Variants in LMAN1 observed in about 807,000 individuals in gnomAD.
The protein encoded by LMAN1 is protein ERGIC-53.
A neutral mutation model predicts 67.8 loss-of-function variants in LMAN1; 32 were observed. The observed-to-expected ratio is 0.47, with a 90% confidence interval of 0.36 to 0.63. The LOEUF (loss-of-function observed/expected upper bound fraction) is 0.63. LMAN1 is among the 30% of genes least tolerant of loss of function. LMAN1 has a pLI of 0.00. For synonymous variants in LMAN1, 235 were observed against 219.3 expected (o/e 1.07, Z -0.63); for missense variants, 632 against 628.2 (o/e 1.01, Z -0.06).
At chr18:59,340,794 GA>G (rs1349253677) in intron 8 of LMAN1, among the ~76,000 whole-genome samples, 2 of 152,002 alleles carry the variant, frequency 1.3e-5, no homozygotes, top group Non-Finnish European at 1.5e-5. Context: ...GACAAAGATG[GA>G]AAAAAGAAAG....
chr18:59,335,486 A>G (rs1405855488), intron 10 of LMAN1, among the ~76,000 whole-genome samples: 1 of 152,102 alleles, frequency 6.6e-6, no homozygotes, highest in Non-Finnish European at 1.5e-5. Context: ...TATATGCAGA[A>G]GAAATACAGG....
At chr18:59,338,052 T>A (rs1191628070) in intron 10 of LMAN1, among the ~76,000 whole-genome samples, 1 of 152,218 alleles carries the variant, frequency 6.6e-6, no homozygotes, top group African/African-American at 2.4e-5. Context: ...AATTATCTCC[T>A]CTCTGCTCCA....
chr18:59,347,479 C>T, intron 7 of LMAN1, 34 bp downstream of exon 7: 1 of 1,517,998 alleles, frequency 6.6e-7, no homozygotes, highest in African/African-American at 1.4e-5. Context: ...GCAAACTAAA[C>T]TGATAAAGTT....
chr18:59,356,739 T>C (rs1321642916), intron 1 of LMAN1, among the ~76,000 whole-genome samples: 1 of 152,214 alleles, frequency 6.6e-6, no homozygotes, highest in Non-Finnish European at 1.5e-5. Context: ...TCAACTTCAC[T>C]GACACTTACT....
At position 59,353,240 on chromosome 18, in the gene LMAN1, C is replaced by T. The variant is rs775753163; in HGVS notation, c.601G>A (p.Val201Ile). 6.2e-7 allele frequency: 1 copy of T among 1,614,010 alleles called. No homozygotes were observed. Among genetic ancestry groups the T allele is most frequent in the South Asian group, 1.1e-5 (1 of 91,074 alleles). ...TGGTAATAGGTAATCTTTGCTCGGA[C>T]AGGATAGGGTTTGTTGCGGAAGTCC... Reference protein sequence around the residue: ...QRDFRNKPYPVRAKITYYQNT... With the variant: ...QRDFRNKPYPIRAKITYYQNT... The change falls in exon 5 of 13, where the codon GTC becomes ATC. Residue 201 changes from valine to isoleucine, a missense_variant. Val to Ile is a conservative substitution (Grantham distance 29, BLOSUM62 3). Coordinates refer to ENST00000251047, the MANE Select transcript of LMAN1 (RefSeq NM_005570.4).
At chr18:59,344,652 C>G (rs186884034) in intron 8 of LMAN1, among the ~76,000 whole-genome samples, 1 of 152,126 alleles carries the variant, frequency 6.6e-6, no homozygotes, top group East Asian at 1.9e-4. Context: ...CTGGAGACTA[C>G]AAAAGGTGGG....
intron 8 of LMAN1, among the ~76,000 whole-genome samples, chr18:59,342,326 G>A (rs530119467): frequency 3.3e-5 from 5 of 151,962 alleles, no homozygotes; most frequent in East Asian, 3.9e-4. Context: ...CTATGAGGGC[G>A]GTATCACCCT....
At chr18:59,343,112 A>G (rs1232204673) in intron 8 of LMAN1, among the ~76,000 whole-genome samples, 1 of 151,812 alleles carries the variant, frequency 6.6e-6, no homozygotes, top group African/African-American at 2.4e-5. Context: ...AGCTCTCCAT[A>G]AGGAGAACTT....
In LMAN1 at chr18:59,331,412, A is replaced by C; in HGVS notation, c.1496+6T>G. 6.2e-7 allele frequency: 1 copy of C among 1,604,736 alleles called. No homozygotes were observed. Among genetic ancestry groups the C allele is most frequent in the East Asian group, 2.2e-5 (1 of 44,758 alleles). ...ATATTGGGTCACATTTTATCAAGAG[A>C]CTTACCTATACATGATATAACCAAT... On this transcript the variant is annotated splice_donor_region_variant and intron_variant, in intron 12 of 12. Transcript: ENST00000251047.
intron 6 of LMAN1, among the ~76,000 whole-genome samples, chr18:59,348,368 C>T (rs1908467806): frequency 6.6e-6 from 1 of 152,222 alleles, no homozygotes; most frequent in Non-Finnish European, 1.5e-5. Context: ...TAACAGGGCA[C>T]TGAACCTGGA....
At chr18:59,347,430 C>T in intron 7 of LMAN1, 83 bp downstream of exon 7, 1 of 875,692 alleles carries the variant, frequency 1.1e-6, no homozygotes, top group East Asian at 3.3e-5. Flanking sequence ...GAAACAAGAT[C>T]CAAACCTAAG....
At chr18:59,356,200 T>C (rs1010915805) in intron 1 of LMAN1, among the ~76,000 whole-genome samples, 2 of 152,166 alleles carry the variant, frequency 1.3e-5, no homozygotes, top group Non-Finnish European at 2.9e-5. Context: ...ATATGCAAAA[T>C]ACTGTACTTA....
At chr18:59,333,061 A>G (rs745427142) in intron 11 of LMAN1, 30 bp downstream of exon 11, 3 of 1,568,574 alleles carry the variant, frequency 1.9e-6, no homozygotes, top group Non-Finnish European at 2.6e-6. Context: ...TAAAGATTAT[A>G]ATTATAAAAG....
intron 4 of LMAN1, among the ~76,000 whole-genome samples, chr18:59,354,088 T>C (rs1908605252): frequency 6.6e-6 from 1 of 152,200 alleles, no homozygotes; most frequent in African/African-American, 2.4e-5. Context: ...TTAGAATCTC[T>C]GCAAACCACT....
At chr18:59,332,571 T>C (rs1327166813) in intron 11 of LMAN1, among the ~76,000 whole-genome samples, 5 of 152,150 alleles carry the variant, frequency 3.3e-5, no homozygotes, top group African/African-American at 4.8e-5. Flanking sequence ...TAAAACGCGA[T>C]ATAAAATATA....
At chr18:59,340,920 C>T (rs1433927524) in intron 8 of LMAN1, among the ~76,000 whole-genome samples, 1 of 152,104 alleles carries the variant, frequency 6.6e-6, no homozygotes, top group Non-Finnish European at 1.5e-5. Flanking sequence ...CTAAAAGATA[C>T]AGACTGGCAG....
chr18:59,358,226 A>C (rs1323423549), intron 1 of LMAN1, among the ~76,000 whole-genome samples: 1 of 152,258 alleles, frequency 6.6e-6, no homozygotes, highest in African/African-American at 2.4e-5. Context: ...TGCCAAACAC[A>C]GAGAGTGAAT....
In LMAN1 at chr18:59,331,046, G is replaced by T; in HGVS notation, c.*47C>A. 3.0e-6 allele frequency: 4 copies of T among 1,337,062 alleles called. No homozygotes were observed. Among genetic ancestry groups the T allele is most frequent in the South Asian group, 1.2e-5 (1 of 80,338 alleles). The allele number at this position is 1,337,062 out of a possible 1,614,324, so 82.8% of individuals were successfully genotyped here. A position where few individuals can be genotyped will look rare whatever the true frequency, so the allele number is the denominator to read the frequency against. On this transcript the variant is annotated 3_prime_UTR_variant, in exon 13 of 13. Coordinates refer to ENST00000251047, the MANE Select transcript of LMAN1 (RefSeq NM_005570.4). ...TTAAATACTTAAATTCCCTCAAAAC[G>T]ACATCATTTTGTACACAAATAGATG...
At chr18:59,349,042 T>C in intron 6 of LMAN1, 71 bp downstream of exon 6, 1 of 1,549,862 alleles carries the variant, frequency 6.5e-7, no homozygotes, top group Non-Finnish European at 8.9e-7. Context: ...CAAGTCTACA[T>C]ATCCCTAATA....
Sources: gnomAD v4.1 joint callset for allele counts (sites outside exome capture counted in the v4.1 genomes callset) on GRCh38, gnomAD v4.1.1 for gene constraint, MANE v1.5 for transcripts, NCBI Gene and HGNC (gene_info 2026-07-23, HGNC 2026-07-21) for gene names.